The following ACADSB variants were observed in gnomAD, a reference collection of about 807,000 sequenced individuals.
ACADSB encodes the protein short/branched chain specific acyl-CoA dehydrogenase, mitochondrial.
A neutral mutation model predicts 54.1 loss-of-function variants in ACADSB; 40 were observed. The observed-to-expected ratio is 0.74, with a 90% CI of 0.57 to 0.96. The LOEUF is 0.96. Among genes scored for constraint, ACADSB ranks in the 40% least tolerant of loss-of-function variants. The probability of loss-of-function intolerance (pLI) is 0.00; values close to 1 mark genes in which losing one functional copy is unlikely to be tolerated. For synonymous variants in ACADSB, 182 were observed against 182.8 expected (o/e 1.00, Z 0.03); for missense variants, 530 against 510.4 (o/e 1.04, Z -0.37).
chr10:123,027,226 A>C (rs1850266513), intron 1 of ACADSB, among the ~76,000 whole-genome samples: 1 of 152,200 alleles, frequency 6.6e-6, no homozygotes, highest in Admixed American at 6.5e-5. Context: ...AGCAGTAAGG[A>C]TGCCCAGGGC....
At chr10:123,032,356 G>A (rs1335656117) in intron 1 of ACADSB, among the ~76,000 whole-genome samples, 1 of 152,112 alleles carries the variant, frequency 6.6e-6, no homozygotes, top group Non-Finnish European at 1.5e-5. Context: ...TTCTGTCACA[G>A]GTTTAGTGAA....
chr10:123,026,985 T>C (rs558393048), intron 1 of ACADSB, among the ~76,000 whole-genome samples: 2 of 152,132 alleles, frequency 1.3e-5, no homozygotes, highest in African/African-American at 4.8e-5. Flanking sequence ...CAGAAGAAAA[T>C]ATTAAAGCCA....
intron 1 of ACADSB, among the ~76,000 whole-genome samples, chr10:123,013,922 G>C (rs1265649735): frequency 6.6e-6 from 1 of 152,192 alleles, no homozygotes; most frequent in African/African-American, 2.4e-5. Context: ...GCTGGCTCCA[G>C]CCTTGGCCAG....
chr10:123,048,111 A>G (rs531886456), intron 8 of ACADSB, among the ~76,000 whole-genome samples: 1 of 152,186 alleles, frequency 6.6e-6, no homozygotes, highest in South Asian at 2.1e-4. Context: ...ATTACTTTAC[A>G]TGGTTGCAAA....
rs1262741937 is a variant in ACADSB at position 123,026,867 on chromosome 10, T to TA, written c.43-7479dup. ...TAGAAGGATACGTAAGAAACTAATT[T>TA]AAAAAAAAAAGAAACAGGTTGCCTA... is the stretch of plus-strand genomic sequence containing the variant. On this transcript the variant is annotated intron_variant, in intron 1 of 10. Coordinates refer to ENST00000358776, the MANE Select transcript of ACADSB (RefSeq NM_001609.4). 1.7e-3 allele frequency among the ~76,000 whole-genome samples: 259 copies of TA among 149,370 alleles called. 1 individual carries two copies. The highest frequency in any genetic ancestry group is 4.9e-3 in the African/African-American group (201 of 40,792).
At chr10:123,017,939 T>C (rs1344875782) in intron 1 of ACADSB, among the ~76,000 whole-genome samples, 1 of 152,216 alleles carries the variant, frequency 6.6e-6, no homozygotes, top group Non-Finnish European at 1.5e-5. Context: ...AGTTTAATCA[T>C]GCAGATGAAG....
In ACADSB at chr10:123,053,874, G is replaced by A. The variant is rs34955007; in HGVS notation, c.*109G>A. ...GTGGGAATAAACTTCCACAGCATTC[G>A]AATATTTTAATGAAGCCCTTAGTCA... On this transcript the variant is annotated 3_prime_UTR_variant, in exon 11 of 11. Transcript: ENST00000358776. 0.018 allele frequency: 18,710 copies of A among 1,033,360 alleles called. 256 individuals carry two copies. The highest frequency in any genetic ancestry group is 0.045 in the Middle Eastern group (221 of 4,888). The allele number at this position is 1,033,360 out of a possible 1,614,324, so 64.0% of individuals were successfully genotyped here. A position where few individuals can be genotyped will look rare whatever the true frequency, so the allele number is the denominator to read the frequency against.
intron 7 of ACADSB, 58 bp from the exon 8 acceptor site, chr10:123,047,151 G>A: frequency 7.3e-7 from 1 of 1,364,506 alleles, no homozygotes; most frequent in Non-Finnish European, 1.0e-6. Flanking sequence ...TTCACAACTT[G>A]GATAATTAAA....
intron 1 of ACADSB, among the ~76,000 whole-genome samples, chr10:123,010,749 C>G (rs1374699003): frequency 6.6e-6 from 1 of 152,196 alleles, no homozygotes; most frequent in African/African-American, 2.4e-5. Context: ...TACTGCCATG[C>G]ACGAAGCATT....
chr10:123,050,126 A>T (rs1850609136), intron 8 of ACADSB, among the ~76,000 whole-genome samples: 1 of 152,246 alleles, frequency 6.6e-6, no homozygotes, highest in South Asian at 2.1e-4. Context: ...GGGTATTAAC[A>T]AACAGTGCTG....
intron 1 of ACADSB, among the ~76,000 whole-genome samples, chr10:123,009,829 A>C (rs904901146): frequency 6.6e-6 from 1 of 152,318 alleles, no homozygotes; most frequent in East Asian, 1.9e-4. Context: ...GACCTATTAT[A>C]TAGCATGCTT....
At chr10:123,044,282 C>A in intron 6 of ACADSB, 111 bp from the exon 7 acceptor site, 1 of 939,538 alleles carries the variant, frequency 1.1e-6, no homozygotes, top group Non-Finnish European at 1.7e-6. Context: ...CCGGCAAGTT[C>A]TGTGAGAGGG....
Position 123,052,279 on chromosome 10 carries a change from T to C in ACADSB, c.1129-782T>C, listed in dbSNP as rs1360371599. On this transcript the variant is annotated intron_variant, in intron 9 of 10. Coordinates refer to ENST00000358776, the MANE Select transcript of ACADSB (RefSeq NM_001609.4). This position sits in a 1 kb window ranked among gnomAD's most constrained non-coding sequence, Gnocchi z 4.2. Reference sequence around the variant, plus strand: ...CACTGGAATACAGGGGCTGCCTTTCTGTGGTTCTGGCAGACAGTTGTTTCC... The same window carrying C: ...CACTGGAATACAGGGGCTGCCTTTCCGTGGTTCTGGCAGACAGTTGTTTCC... Among the ~76,000 whole-genome samples the C allele has an allele frequency of 6.6e-6, 1 of 152,246 alleles. No homozygotes were observed. The highest frequency in any genetic ancestry group is 6.5e-5 in the Admixed American group (1 of 15,286).
Position 123,041,244 on chromosome 10 carries a change from T to TAGTG in ACADSB, c.548_551dup (p.Asp184GlufsTer2), listed in dbSNP as rs753946198. 6.2e-7 allele frequency: 1 copy of TAGTG among 1,614,150 alleles called. No homozygotes were observed. Among genetic ancestry groups the TAGTG allele is most frequent in the Non-Finnish European group, 8.5e-7 (1 of 1,180,010 alleles). ...TCTGCCTTTCAGAGGCTGGAGCAGGTAGTGACTCATTTGCTTTGAAGACCA... is the reference window on the plus strand; with the variant it reads ...TCTGCCTTTCAGAGGCTGGAGCAGGTAGTGAGTGACTCATTTGCTTTGAAGACCA... On this transcript the variant is annotated frameshift_variant, in exon 5 of 11. Transcript: ENST00000358776. LOFTEE classifies it high-confidence loss of function.
intron 1 of ACADSB, among the ~76,000 whole-genome samples, chr10:123,029,622 C>A (rs557529549): frequency 6.6e-6 from 1 of 152,346 alleles, no homozygotes; most frequent in South Asian, 2.1e-4. Flanking sequence ...CCATGTTGAT[C>A]CACGTAGCTC....
intron 1 of ACADSB, chr10:123,027,402 C>A: frequency 2.7e-6 from 1 of 365,044 alleles, no homozygotes; most frequent in Non-Finnish European, 5.7e-6. Flanking sequence ...GGGAGGGACA[C>A]AGGGAAGTAA....
rs1850720308 is a variant in ACADSB, at chr10:123,057,240, C to T, written c.*3475C>T. On this transcript the variant is annotated 3_prime_UTR_variant, in exon 11 of 11. Transcript: ENST00000358776. ...GCATCAGAGAGCTTCCCATTTGCATCTAGACCTTGAATTTATATTTATTGA... is the reference window on the plus strand; with the variant it reads ...GCATCAGAGAGCTTCCCATTTGCATTTAGACCTTGAATTTATATTTATTGA... 1 of 152,220 alleles carries T rather than the reference C, an allele frequency of 6.6e-6. No homozygotes were observed. The highest frequency in any genetic ancestry group is 2.4e-5 in the African/African-American group (1 of 41,450). The allele number at this position is 152,220 out of a possible 1,614,324, so 9.4% of individuals were successfully genotyped here.
chr10:123,053,249 G>A, intron 10 of ACADSB, 89 bp downstream of exon 10: 14 of 1,097,248 alleles, frequency 1.3e-5, no homozygotes, highest in Non-Finnish European at 1.7e-5. Flanking sequence ...TTTTTCCTAG[G>A]TAAAAGCAAT....
intron 1 of ACADSB, among the ~76,000 whole-genome samples, chr10:123,022,149 C>T (rs1850192331): frequency 6.6e-6 from 1 of 152,214 alleles, no homozygotes; most frequent in East Asian, 1.9e-4. Flanking sequence ...TTTTAAATCT[C>T]CTATTACCCA....
Sources: allele counts gnomAD v4.1 joint callset (sites outside exome capture counted in the v4.1 genomes callset), GRCh38; gene constraint gnomAD v4.1.1; non-coding constraint Gnocchi (gnomAD v3.1); transcripts MANE v1.5; gene names NCBI Gene and HGNC (gene_info 2026-07-23, HGNC 2026-07-21).